The following VPS4B variants were observed in gnomAD, a reference collection of about 807,000 sequenced individuals.
The protein encoded by VPS4B is vacuolar protein sorting 4 homolog B.
VPS4B carries 23 observed loss-of-function variants against 56.1 expected under a neutral mutation model. That is an observed-to-expected ratio of 0.41 (90% CI 0.30 to 0.58). The LOEUF (loss-of-function observed/expected upper bound fraction) is 0.58, where lower values mean the gene tolerates loss of function less well. VPS4B is among the 20% of genes least tolerant of loss of function. The pLI, the probability that VPS4B is intolerant of heterozygous loss-of-function variation, is 0.29. For missense variants in VPS4B, 372 were observed against 531.9 expected (o/e 0.70, Z 2.96); for synonymous variants, 177 against 186.0 (o/e 0.95, Z 0.39).
intron 5 of VPS4B, among the ~76,000 whole-genome samples, chr18:63,403,100 A>C (rs1295568230): frequency 6.6e-6 from 1 of 152,232 alleles, no homozygotes; most frequent in East Asian, 1.9e-4. Flanking sequence ...TATTCTCTTC[A>C]CAGTGATAAT....
chr18:63,395,897 C>G (rs554740534), intron 9 of VPS4B, among the ~76,000 whole-genome samples: 34 of 152,288 alleles, frequency 2.2e-4, no homozygotes, highest in African/African-American at 7.5e-4. Flanking sequence ...CACCTCCAGG[C>G]AAATCACATG....
At chr18:63,417,466 T>C (rs1408778342) in intron 1 of VPS4B, among the ~76,000 whole-genome samples, 1 of 152,090 alleles carries the variant, frequency 6.6e-6, no homozygotes, top group Non-Finnish European at 1.5e-5. Flanking sequence ...AACCACCACT[T>C]TGCTGGTTTT....
At chr18:63,422,139 C>G in intron 1 of VPS4B, 94 bp downstream of exon 1, 1 of 1,330,588 alleles carries the variant, frequency 7.5e-7, no homozygotes, top group South Asian at 1.7e-5. Context: ...ACCACAGGCG[C>G]GGCCGCTTCC....
Position 63,422,235 on chromosome 18 carries a change from G to T in VPS4B, c.25C>A (p.Gln9Lys). Residue 9 changes from glutamine (Q) to lysine (K), a missense_variant and splice_region_variant, in exon 1 of 11, where the codon CAG (glutamine) becomes AAG (lysine). Around this residue, in one of 3 missense-constraint regions of VPS4B, gnomAD observed 153 missense variants for 190.3 expected, o/e 0.80. Transcript: ENST00000238497. MSSTSPNL[Q>K]KAIDLASKAA... ...GGACGGGAGATGAGCAATGATACCT[G>T]GAGGTTGGGCGAAGTGGATGACATG... 1.3e-6 allele frequency: 2 copies of T among 1,514,326 alleles called. No individual in the cohort carries two copies. Among genetic ancestry groups the T allele is most frequent in the Non-Finnish European group, 1.8e-6 (2 of 1,130,136 alleles). 93.8% of individuals were successfully genotyped at this position (1,514,326 alleles called of 1,614,324 possible).
intron 1 of VPS4B, among the ~76,000 whole-genome samples, chr18:63,415,076 T>G (rs1916132635): frequency 6.6e-6 from 1 of 152,232 alleles, no homozygotes; most frequent in Non-Finnish European, 1.5e-5. Flanking sequence ...CGTTAAACCT[T>G]TAATCGAAGA....
chr18:63,399,370 T>G (rs746619980), intron 7 of VPS4B, 47 bp from the exon 8 acceptor site: 1 of 1,501,668 alleles, frequency 6.7e-7, no homozygotes, highest in Non-Finnish European at 9.3e-7. Flanking sequence ...ATTTTGGTGT[T>G]CTTTAAACTT....
intron 4 of VPS4B, among the ~76,000 whole-genome samples, chr18:63,406,000 AG>A (rs1915909773): frequency 6.6e-6 from 1 of 152,126 alleles, no homozygotes; most frequent in African/African-American, 2.4e-5. Context: ...AAAACAAAAA[AG>A]AAAAAAAAAA....
chr18:63,396,930 C>T (rs1208360849), intron 9 of VPS4B, 104 bp downstream of exon 9: 4 of 1,127,640 alleles, frequency 3.5e-6, no homozygotes, highest in Non-Finnish European at 3.8e-6. Context: ...GCGGAGGTTG[C>T]AGCAAGCCCA....
Position 63,410,311 on chromosome 18 carries a change from G to C in VPS4B, c.275C>G (p.Pro92Arg). 1 of 1,613,906 alleles carries C rather than the reference G, an allele frequency of 6.2e-7. No individual in the cohort carries two copies. The highest frequency in any genetic ancestry group is 8.5e-7 in the Non-Finnish European group (1 of 1,179,984). ...KAQKPVKEGQ[P>R]SPADEKGNDS... ...GTACCCCTTCTCATCTGCTGGACTC[G>C]GCTGTCCTTCTTTCACTGGCTTCTG... Residue 92 changes from proline to arginine, a missense_variant, in exon 3 of 11, where the codon CCG (proline) becomes CGG (arginine). This residue lies in a region of VPS4B where 153 missense variants were observed against 190.3 expected (regional missense o/e 0.80). Coordinates refer to ENST00000238497, the MANE Select transcript of VPS4B (RefSeq NM_004869.4).
intron 1 of VPS4B, among the ~76,000 whole-genome samples, chr18:63,419,226 T>C (rs1916236508): frequency 2.6e-5 from 4 of 152,158 alleles, no homozygotes; most frequent in Admixed American, 2.6e-4. Context: ...ACTTTGAGAC[T>C]GGCCTGGCCA....
chr18:63,399,932 T>C (rs573706029), intron 7 of VPS4B, 116 bp downstream of exon 7: 37 of 881,210 alleles, frequency 4.2e-5, no homozygotes, highest in African/African-American at 7.0e-5. Context: ...GGCATGAGAA[T>C]TGCTTGAACC....
At position 63,390,742 on chromosome 18, in the gene VPS4B, G is replaced by T; in HGVS notation, c.*233C>A. 3.3e-6 allele frequency: 1 copy of T among 299,932 alleles called. No homozygotes were observed. 18.6% of individuals were successfully genotyped at this position (299,932 alleles called of 1,614,324 possible). On this transcript the variant is annotated 3_prime_UTR_variant, in exon 11 of 11. Coordinates refer to ENST00000238497, the MANE Select transcript of VPS4B (RefSeq NM_004869.4). ...ACTGGGTAATTTCTGTTTTTATGCCGTTCATATATCGCTCATTTCCTCATA... is the reference window on the plus strand; with the variant it reads ...ACTGGGTAATTTCTGTTTTTATGCCTTTCATATATCGCTCATTTCCTCATA...
Position 63,422,240 on chromosome 18 carries a change from T to C in VPS4B, c.20A>G (p.Asn7Ser), listed in dbSNP as rs539290608. 24 of 1,505,456 alleles carry C rather than the reference T, an allele frequency of 1.6e-5. No homozygotes were observed. Among genetic ancestry groups the C allele is most frequent in the African/African-American group, 2.9e-5 (2 of 68,928 alleles). 93.3% of individuals were successfully genotyped at this position (1,505,456 alleles called of 1,614,324 possible). A position where few individuals can be genotyped will look rare whatever the true frequency, so the allele number is the denominator to read the frequency against. The change falls in exon 1 of 11, where the codon AAC becomes AGC. Residue 7 changes from asparagine to serine, a missense_variant. Asn to Ser is a conservative substitution (Grantham distance 46, BLOSUM62 1). Coordinates refer to ENST00000238497, the MANE Select transcript of VPS4B (RefSeq NM_004869.4). ...GGAGATGAGCAATGATACCTGGAGG[T>C]TGGGCGAAGTGGATGACATGGCGGA... MSSTSP[N>S]LQKAIDLASK...
chr18:63,420,846 C>T (rs1053421844), intron 1 of VPS4B, among the ~76,000 whole-genome samples: 1 of 151,906 alleles, frequency 6.6e-6, no homozygotes, highest in African/African-American at 2.4e-5. Context: ...CCAGCCTGGG[C>T]CAACATGGTG....
intron 9 of VPS4B, chr18:63,396,397 A>G (rs1005419585): frequency 3.9e-5 from 6 of 152,324 alleles, no homozygotes; most frequent in Non-Finnish European, 8.8e-5. Context: ...GGACTACAGG[A>G]GTGTGCCACC....
At chr18:63,407,584 T>A in intron 3 of VPS4B, 85 bp from the exon 4 acceptor site, 7 of 1,089,528 alleles carry the variant, frequency 6.4e-6, no homozygotes, top group Non-Finnish European at 7.8e-6. Context: ...ACCTGAAATA[T>A]TTGTAATTTC....
chr18:63,392,669 C>T (rs566874648), intron 10 of VPS4B, among the ~76,000 whole-genome samples: 103 of 151,846 alleles, frequency 6.8e-4, no homozygotes, highest in Non-Finnish European at 1.3e-3. Flanking sequence ...AGGATGGTCT[C>T]GATCTCCTGA....
chr18:63,397,261 G>A lies in VPS4B; in HGVS notation c.873-8C>T. 6.3e-7 allele frequency: 1 copy of A among 1,593,436 alleles called. No individual in the cohort carries two copies. Reference sequence around the variant, plus strand: ...TAAATTCGTTTCTCAAATCTTAAAAGAGAAATTACATCAAGAATATATTTA... The same window carrying A: ...TAAATTCGTTTCTCAAATCTTAAAAAAGAAATTACATCAAGAATATATTTA... On this transcript the variant is annotated splice_region_variant and splice_polypyrimidine_tract_variant and intron_variant, in intron 8 of 10. Coordinates refer to ENST00000238497, the MANE Select transcript of VPS4B (RefSeq NM_004869.4).
At chr18:63,416,683 T>A (rs1261688055) in intron 1 of VPS4B, among the ~76,000 whole-genome samples, 1 of 152,132 alleles carries the variant, frequency 6.6e-6, no homozygotes, top group East Asian at 1.9e-4. Flanking sequence ...CTAGAGCTGA[T>A]CTACAAGGTC....
Sources: allele counts gnomAD v4.1 joint callset (sites outside exome capture counted in the v4.1 genomes callset), GRCh38; gene constraint gnomAD v4.1.1; regional missense constraint gnomAD v4.1.1; transcripts MANE v1.5; gene names NCBI Gene and HGNC (gene_info 2026-07-23, HGNC 2026-07-21).